SUSD1: variants seen among roughly 807,000 people sequenced by gnomAD.
SUSD1 encodes the protein sushi domain containing 1.
SUSD1 carries 65 observed loss-of-function variants against 86.9 expected under a neutral mutation model. The ratio of observed to expected loss-of-function variants is 0.75; its 90% confidence interval spans 0.61 to 0.92. SUSD1 has a LOEUF of 0.92. Among genes scored for constraint, SUSD1 ranks in the 40% least tolerant of loss-of-function variants. The pLI is 0.00. For synonymous variants in SUSD1, 346 were observed against 350.0 expected, an observed-to-expected ratio of 0.99 and a Z score of 0.13; for missense variants, 850 against 929.7, an observed-to-expected ratio of 0.91 and a Z score of 1.11.
chr9:112,156,212 C>T (rs1833307151), intron 2 of SUSD1, among the ~76,000 whole-genome samples: 2 of 151,694 alleles, frequency 1.3e-5, no homozygotes, highest in African/African-American at 4.8e-5. Flanking sequence ...GCTTGTAATC[C>T]CAGCACTTTG....
intron 9 of SUSD1, among the ~76,000 whole-genome samples, chr9:112,100,857 G>GACACACACACACACACACACACAC: frequency 7.1e-6 from 1 of 140,496 alleles, no homozygotes; most frequent in African/African-American, 2.7e-5. Flanking sequence ...ATTGTACCTG[G>GACACACACACACACACACACACAC]ACACACACAC....
intron 5 of SUSD1, among the ~76,000 whole-genome samples, chr9:112,140,091 G>A (rs1174127758): frequency 1.2e-5 from 1 of 80,556 alleles, no homozygotes; most frequent in Non-Finnish European, 2.4e-5. Context: ...GGCCGGGCGC[G>A]GTGGCTCACG....
intron 12 of SUSD1, among the ~76,000 whole-genome samples, chr9:112,077,480 G>A (rs111490420): frequency 1.1e-4 from 15 of 139,974 alleles, no homozygotes; most frequent in African/African-American, 3.7e-4. Context: ...TACAATCATT[G>A]TCCCCTGATA....
intron 5 of SUSD1, 67 bp downstream of exon 5, chr9:112,142,253 T>TA: frequency 4.5e-6 from 6 of 1,326,516 alleles, no homozygotes; most frequent in Non-Finnish European, 6.0e-6. Context: ...AACTGAAATT[T>TA]AGAGAAAAAT....
chr9:112,112,772 A>G lies in SUSD1; in HGVS notation c.983T>C (p.Val328Ala). Residue 328 changes from valine (V) to alanine (A), a missense_variant and splice_region_variant, in exon 7 of 17, where the codon GTG becomes GCG. Val to Ala is a moderately conservative substitution (Grantham distance 64). Transcript: ENST00000374270. The part of the protein sequence containing the change: ...SRRINPKISY[V>A]ISIKGQRLDP... The stretch of plus-strand genomic sequence containing the variant: ...GAAAAAGTAGATCACTTTACTTACC[A>G]CATATGAGATCTTGGGGTTTATTCT... 6.2e-7 allele frequency: 1 copy of G among 1,607,122 alleles called. No homozygotes were observed. Among genetic ancestry groups the G allele is most frequent in the Non-Finnish European group, 8.5e-7 (1 of 1,173,702 alleles).
At chr9:112,166,439 G>C (rs1833830350) in intron 1 of SUSD1, among the ~76,000 whole-genome samples, 2 of 152,156 alleles carry the variant, frequency 1.3e-5, no homozygotes, top group Non-Finnish European at 2.9e-5. Context: ...GGAGAGGCAG[G>C]GCCTGAGAAT....
chr9:112,164,945 A>AAAAAC (rs1407058090), intron 1 of SUSD1, among the ~76,000 whole-genome samples: 3 of 152,216 alleles, frequency 2.0e-5, no homozygotes, highest in East Asian at 3.8e-4. Flanking sequence ...ACTCAGTCTC[A>AAAAAC]AAAACAAAAC....
chr9:112,046,617 G>A (rs908344051), intron 15 of SUSD1, among the ~76,000 whole-genome samples: 12 of 152,290 alleles, frequency 7.9e-5, no homozygotes, highest in Admixed American at 7.2e-4. Context: ...GCTTGAGGAC[G>A]CTCCATGGGT....
At chr9:112,055,937 T>C (rs1828427562) in intron 14 of SUSD1, among the ~76,000 whole-genome samples, 1 of 152,160 alleles carries the variant, frequency 6.6e-6, no homozygotes, top group Non-Finnish European at 1.5e-5. Flanking sequence ...CCTACTTATA[T>C]GAGGTACCTA....
intron 5 of SUSD1, among the ~76,000 whole-genome samples, chr9:112,138,274 T>TATATGTGTATATAC (rs1832395859): frequency 7.7e-6 from 1 of 129,912 alleles, no homozygotes; most frequent in Non-Finnish European, 1.6e-5. Context: ...TACATATATA[T>TATATGTGTATATAC]ATATATGAAG....
intron 10 of SUSD1, among the ~76,000 whole-genome samples, chr9:112,081,389 G>A (rs755009911): frequency 6.6e-6 from 1 of 152,222 alleles, no homozygotes; most frequent in Non-Finnish European, 1.5e-5. Context: ...GTCACAAGCT[G>A]TACCTCAAAT....
intron 8 of SUSD1, among the ~76,000 whole-genome samples, chr9:112,102,486 T>C (rs2131619476): frequency 6.6e-6 from 1 of 152,370 alleles, no homozygotes; most frequent in South Asian, 2.1e-4. Context: ...GCTAAGTCAC[T>C]GAACCTCAGT....
intron 2 of SUSD1, among the ~76,000 whole-genome samples, chr9:112,157,013 T>C (rs1237379372): frequency 6.6e-6 from 1 of 152,178 alleles, no homozygotes; most frequent in African/African-American, 2.4e-5. Flanking sequence ...CTTTAAGTCA[T>C]CTAAGTCCCT....
chr9:112,071,249 C>T (rs1327582529), intron 12 of SUSD1, among the ~76,000 whole-genome samples: 2 of 152,040 alleles, frequency 1.3e-5, no homozygotes, highest in Non-Finnish European at 2.9e-5. Flanking sequence ...ATTGCTTGGG[C>T]TCAGGAGTTT....
intron 1 of SUSD1, among the ~76,000 whole-genome samples, chr9:112,171,767 T>C (rs1468637185): frequency 6.6e-6 from 1 of 152,218 alleles, no homozygotes; most frequent in Non-Finnish European, 1.5e-5. Context: ...TTTTTCATTT[T>C]TCCCCTCTCT....
At chr9:112,127,971 T>C (rs1315355651) in intron 5 of SUSD1, among the ~76,000 whole-genome samples, 2 of 151,580 alleles carry the variant, frequency 1.3e-5, no homozygotes, top group African/African-American at 4.9e-5. Context: ...CCCAGCTAAT[T>C]TTTCAGTTTT....
chr9:112,111,594 C>T (rs188209909), intron 8 of SUSD1, 60 bp downstream of exon 8: 2 of 1,566,336 alleles, frequency 1.3e-6, no homozygotes, highest in East Asian at 4.5e-5. Context: ...CTGCAGCATA[C>T]TTCCCCACAT....
rs368841685 is a variant in SUSD1 at position 112,041,421 on chromosome 9, G to C, written c.*71C>G. On this transcript the variant is annotated 3_prime_UTR_variant, in exon 17 of 17. Transcript: ENST00000374270. ...CGGAAGTCACACGGAGCCTCTGTGC[G>C]GGCACCTGAGAAGCTGCCAGAACAC... is the stretch of plus-strand genomic sequence containing the variant. 43 of 780,122 alleles carry C rather than the reference G, an allele frequency of 5.5e-5. No individual in the cohort carries two copies. The East Asian group carries it at 6.6e-4, about 12-fold the overall frequency. 48.3% of individuals were successfully genotyped at this position (780,122 alleles called of 1,614,324 possible). A position where few individuals can be genotyped will look rare whatever the true frequency, so the allele number is the denominator to read the frequency against.
rs530990792 is a variant in SUSD1 at position 112,125,799 on chromosome 9, C to G, written c.707-1363G>C. Among the ~76,000 whole-genome samples, 10 of 152,314 alleles carry G rather than the reference C, an allele frequency of 6.6e-5. No individual in the cohort carries two copies. In the East Asian group the frequency reaches 1.5e-3, roughly 23 times the overall value. The stretch of plus-strand genomic sequence containing the variant: ...AAATAGATGGCTTCTTTTAAATGAG[C>G]CTCTGATACAGAATGTGTGGATTTA... On this transcript the variant is annotated intron_variant, in intron 5 of 16. Coordinates refer to ENST00000374270, the MANE Select transcript of SUSD1 (RefSeq NM_022486.5).
Sources: gnomAD v4.1 joint callset for allele counts (sites outside exome capture counted in the v4.1 genomes callset) on GRCh38, gnomAD v4.1.1 for gene constraint, MANE v1.5 for transcripts, NCBI Gene and HGNC (gene_info 2026-07-23, HGNC 2026-07-21) for gene names.